The following TBC1D2B variants were observed in gnomAD, a reference collection of about 807,000 sequenced individuals.
The protein encoded by TBC1D2B is TBC1 domain family, member 2B.
A neutral mutation model predicts 100.8 loss-of-function variants in TBC1D2B; 64 were observed. That is an observed-to-expected ratio of 0.64 (90% CI 0.52 to 0.78). The LOEUF (loss-of-function observed/expected upper bound fraction) is 0.78, where lower values mean the gene tolerates loss of function less well. Among genes scored for constraint, TBC1D2B ranks in the 30% least tolerant of loss-of-function variants. The pLI, the probability that TBC1D2B is intolerant of heterozygous loss-of-function variation, is 0.00. For synonymous variants in TBC1D2B, 480 were observed against 479.7 expected, an observed-to-expected ratio of 1.00 and a Z score of -0.01; for missense variants, 1,052 against 1,218.4, an observed-to-expected ratio of 0.86 and a Z score of 2.03.
intron 3 of TBC1D2B, among the ~76,000 whole-genome samples, chr15:78,036,078 G>A (rs2072938890): frequency 6.6e-6 from 1 of 152,202 alleles, no homozygotes; most frequent in African/African-American, 2.4e-5. Flanking sequence ...AAGTAGCTAT[G>A]CACTGACATA....
intron 6 of TBC1D2B, among the ~76,000 whole-genome samples, chr15:78,023,127 A>G (rs1165394460): frequency 1.3e-5 from 2 of 152,198 alleles, no homozygotes; most frequent in African/African-American, 4.8e-5. Context: ...CTAGGCATGA[A>G]GCAAATACTC....
chr15:78,015,253 GA>G (rs938478743), intron 8 of TBC1D2B, among the ~76,000 whole-genome samples: 49 of 152,076 alleles, frequency 3.2e-4, no homozygotes, highest in African/African-American at 1.1e-3. Context: ...AAATATTCCA[GA>G]AAAAAACTGT....
At chr15:78,056,568 G>A (rs546258359) in intron 1 of TBC1D2B, among the ~76,000 whole-genome samples, 4 of 152,194 alleles carry the variant, frequency 2.6e-5, no homozygotes, top group Non-Finnish European at 4.4e-5. Context: ...GCCCTGGGGC[G>A]GGGCAAAGAG....
intron 1 of TBC1D2B, among the ~76,000 whole-genome samples, chr15:78,067,629 G>C (rs1343042024): frequency 6.6e-6 from 1 of 152,244 alleles, no homozygotes; most frequent in African/African-American, 2.4e-5. Flanking sequence ...TCCCAGCCCA[G>C]GGGCAGTCTG....
At position 78,025,461 on chromosome 15, in the gene TBC1D2B, C is replaced by G; in HGVS notation, c.884G>C (p.Arg295Pro). The G allele has an allele frequency of 6.2e-7, 1 of 1,613,644 alleles. No homozygotes were observed. The highest frequency in any genetic ancestry group is 8.5e-7 in the Non-Finnish European group (1 of 1,179,794). Residue 295 changes from arginine to proline, a missense_variant, in exon 5 of 13, where the codon CGT becomes CCT. Coordinates refer to ENST00000300584, the MANE Select transcript of TBC1D2B (RefSeq NM_144572.2). Reference sequence around the variant, plus strand: ...AGGGCGCTTTCCTTTGTAGGGGTTACGTCCAAAATCAAAGGGGAATCCTGA... The same window carrying G: ...AGGGCGCTTTCCTTTGTAGGGGTTAGGTCCAAAATCAAAGGGGAATCCTGA... ...TGSGFPFDFG[R>P]NPYKGKRPLK...
chr15:78,009,065 A>C lies in TBC1D2B; in HGVS notation c.2320T>G (p.Cys774Gly). The change falls in exon 10 of 13, where the codon TGT becomes GGT. Residue 774 changes from cysteine (C) to glycine (G), a missense_variant. Cys to Gly is a radical substitution (Grantham distance 159). Transcript: ENST00000300584. ...LYLEQEDAFW[C>G]LVTIVEVFMP... is the part of the protein sequence containing the mutation. Reference sequence around the variant, plus strand: ...AAAACTTCCACTATGGTAACGAGACACCAGAAAGCATCTTCTTGTTCCAGG... The same window carrying C: ...AAAACTTCCACTATGGTAACGAGACCCCAGAAAGCATCTTCTTGTTCCAGG... 6.2e-7 allele frequency: 1 copy of C among 1,608,986 alleles called. No homozygotes were observed. The highest frequency in any genetic ancestry group is 8.5e-7 in the Non-Finnish European group (1 of 1,177,526).
chr15:78,021,037 G>A (rs540232536), intron 6 of TBC1D2B, among the ~76,000 whole-genome samples: 1 of 152,134 alleles, frequency 6.6e-6, no homozygotes, highest in South Asian at 2.1e-4. Flanking sequence ...GAAGAATTAC[G>A]GAAACACAGA....
chr15:77,998,196 C>T lies in TBC1D2B; in HGVS notation c.2856G>A (p.Lys952=). 6.4e-7 allele frequency: 1 copy of T among 1,557,340 alleles called. No homozygotes were observed. Among genetic ancestry groups the T allele is most frequent in the Non-Finnish European group, 8.7e-7 (1 of 1,150,634 alleles). The change falls in exon 13 of 13, where the codon AAG becomes AAA. Residue 952 remains lysine, a synonymous_variant. Transcript: ENST00000300584. ...FLRERDTSPD[K]GELVSDEEED... is the part of the protein sequence containing the mutation. The stretch of plus-strand genomic sequence containing the variant: ...CCTCCTCGTCACTGACCAGCTCACC[C>T]TTGTCAGGGCTGGTGTCCCGCTCAC...
chr15:78,061,557 A>G (rs2073546260), intron 1 of TBC1D2B, among the ~76,000 whole-genome samples: 1 of 150,528 alleles, frequency 6.6e-6, no homozygotes, highest in South Asian at 2.1e-4. Context: ...TGGGTGACAG[A>G]GCGAGACCCT....
intron 6 of TBC1D2B, among the ~76,000 whole-genome samples, chr15:78,021,371 G>C (rs75319330): frequency 0.016 from 2,475 of 152,090 alleles, 69 homozygotes; most frequent in African/African-American, 0.056. Context: ...TTTGGAATCA[G>C]AAGTAGGAAT....
chr15:78,028,005 A>C (rs973708139), intron 4 of TBC1D2B, among the ~76,000 whole-genome samples: 4 of 152,232 alleles, frequency 2.6e-5, no homozygotes, highest in Non-Finnish European at 5.9e-5. Context: ...GTCCTTTTCC[A>C]GGAGACAGAA....
chr15:78,014,277 AT>A (rs2141662088), intron 8 of TBC1D2B, among the ~76,000 whole-genome samples: 1 of 152,346 alleles, frequency 6.6e-6, no homozygotes, highest in East Asian at 1.9e-4. Flanking sequence ...TTAAGCCACT[AT>A]GTTTATGATA....
rs778987044 is a variant in TBC1D2B at position 78,044,937 on chromosome 15, T to A, written c.646A>T (p.Asn216Tyr). ...CCCCACTGTTTCAAAGAGTAAAAAT[T>A]AATGGAATTTGGATGCCCTGGGGCG... ...QPAPGHPNSI[N>Y]FYSLKQWGNE... is the part of the protein sequence containing the mutation. The change falls in exon 3 of 13, where the codon AAT becomes TAT. Residue 216 changes from asparagine to tyrosine, a missense_variant. Transcript: ENST00000300584. The A allele has an allele frequency of 1.9e-6, 3 of 1,613,396 alleles. No individual in the cohort carries two copies. The highest frequency in any genetic ancestry group is 2.5e-6 in the Non-Finnish European group (3 of 1,179,544).
Position 78,065,910 on chromosome 15 carries a change from G to A in TBC1D2B, c.360+11383C>T, listed in dbSNP as rs371464793. 4.8e-5 allele frequency: 20 copies of A among 418,486 alleles called. No homozygotes were observed. The East Asian group carries it at 9.6e-4, about 20-fold the overall frequency. 25.9% of individuals were successfully genotyped at this position (418,486 alleles called of 1,614,324 possible). Reference sequence around the variant, plus strand: ...TACAGGAATGTTTGGGAACCACGGTGATTTCTAACAGTGTTTTAAGGTGGA... The same window carrying A: ...TACAGGAATGTTTGGGAACCACGGTAATTTCTAACAGTGTTTTAAGGTGGA... On this transcript the variant is annotated intron_variant, in intron 1 of 12. Coordinates refer to ENST00000300584, the MANE Select transcript of TBC1D2B (RefSeq NM_144572.2).
rs1331454153 is a variant in TBC1D2B at position 77,997,621 on chromosome 15, A to G, written c.*539T>C. The G allele has an allele frequency of 1.3e-5, 2 of 152,316 alleles. No homozygotes were observed. The highest frequency in any genetic ancestry group is 1.9e-4 in the East Asian group (1 of 5,198). The allele number at this position is 152,316 out of a possible 1,614,324, so 9.4% of individuals were successfully genotyped here. A position where few individuals can be genotyped will look rare whatever the true frequency, so the allele number is the denominator to read the frequency against. On this transcript the variant is annotated 3_prime_UTR_variant, in exon 13 of 13. Transcript: ENST00000300584. ...TGGTGGGAGGTTCACAGGCTTTCCT[A>G]CAGTGGCCATTTCTGAACAAGGGAT... is the stretch of plus-strand genomic sequence containing the variant.
chr15:78,016,791 A>C, intron 7 of TBC1D2B, 52 bp from the exon 8 acceptor site: 1 of 1,413,140 alleles, frequency 7.1e-7, no homozygotes, highest in African/African-American at 1.5e-5. Context: ...CAGGAAGAGC[A>C]ATCTTTAGGT....
At position 78,025,337 on chromosome 15, in the gene TBC1D2B, C is replaced by T. The variant is rs148026593; in HGVS notation, c.1008G>A (p.Pro336=). The T allele has an allele frequency of 6.1e-4, 978 of 1,613,884 alleles. 3 individuals carry two copies. Among genetic ancestry groups the T allele is most frequent in the Admixed American group, 1.1e-3 (65 of 60,020 alleles). ...GGACCTGCAGTTGCATTTCGGAGGC[C>T]GGCTTCCTGATGCTGACGCTGCCAC... ...SGSGSVSIRK[P]ASEMQLQVQS... is the part of the protein sequence containing the mutation. Residue 336 remains proline, a synonymous_variant, in exon 5 of 13, where the codon CCG becomes CCA. Transcript: ENST00000300584.
intron 10 of TBC1D2B, 56 bp downstream of exon 10, chr15:78,008,941 A>G: frequency 7.9e-7 from 1 of 1,260,410 alleles, no homozygotes; most frequent in African/African-American, 1.5e-5. Flanking sequence ...AATTCAGGTC[A>G]CATTTCAGCT....
intron 1 of TBC1D2B, among the ~76,000 whole-genome samples, chr15:78,056,444 T>C (rs952763210): frequency 1.3e-5 from 2 of 152,158 alleles, no homozygotes; most frequent in Non-Finnish European, 2.9e-5. Context: ...ACAGTTTGCA[T>C]AGGAGGAGAT....
Sources: gnomAD v4.1 joint callset for allele counts (sites outside exome capture counted in the v4.1 genomes callset) on GRCh38, gnomAD v4.1.1 for gene constraint, MANE v1.5 for transcripts, NCBI Gene and HGNC (gene_info 2026-07-23, HGNC 2026-07-21) for gene names.